The following GPR89B variants were observed in gnomAD, a reference collection of about 807,000 sequenced individuals.
The protein encoded by GPR89B is G protein-coupled receptor 89B.
GPR89B carries 25 observed loss-of-function variants against 52.4 expected under a neutral mutation model. The observed-to-expected ratio is 0.48, with a 90% CI of 0.35 to 0.67. The LOEUF (loss-of-function observed/expected upper bound fraction) is 0.67. GPR89B is among the 30% of genes least tolerant of loss of function. The pLI, the probability that GPR89B is intolerant of heterozygous loss-of-function variation, is 0.01. For missense variants in GPR89B, 146 were observed against 450.2 expected, an observed-to-expected ratio of 0.32 and a Z score of 6.11; for synonymous variants, 52 against 151.2, an observed-to-expected ratio of 0.34 and a Z score of 4.81.
intron 5 of GPR89B, among the ~76,000 whole-genome samples, chr1:147,946,735 G>A (rs587710719): frequency 1.3e-5 from 2 of 152,214 alleles, no homozygotes; most frequent in African/African-American, 4.8e-5. Flanking sequence ...GGAAGATGAA[G>A]GCCATTGTAT....
intron 2 of GPR89B, among the ~76,000 whole-genome samples, chr1:147,937,441 C>T (rs1553248149): frequency 6.6e-6 from 1 of 152,154 alleles, no homozygotes; most frequent in East Asian, 1.9e-4. Flanking sequence ...GACAACCAGT[C>T]TGACTAGAAT....
chr1:148,002,398 G>T, the GPR89B span, among the ~76,000 whole-genome samples: 2 of 152,020 alleles, frequency 1.3e-5, no homozygotes, highest in Non-Finnish European at 2.9e-5. Context: ...CTTACCTACT[G>T]CTTTCCCTTC....
At chr1:148,018,280 G>T in the GPR89B span, among the ~76,000 whole-genome samples, 6 of 144,886 alleles carry the variant, frequency 4.1e-5, 1 homozygote, top group African/African-American at 1.6e-4. Context: ...ATAGCCAGGC[G>T]TGGTGGCGGG....
intron 4 of GPR89B, 59 bp downstream of exon 4, chr1:147,943,603 A>G (rs1279440021): frequency 2.5e-6 from 4 of 1,580,168 alleles, no homozygotes; most frequent in Non-Finnish European, 3.4e-6. Context: ...GAGGGGACTT[A>G]AATTGTGGAT....
rs1553247924 is a variant in GPR89B at position 147,936,585 on chromosome 1, A to G, written c.43-42A>G. On this transcript the variant is annotated intron_variant, in intron 1 of 13. Coordinates refer to ENST00000314163, the MANE Select transcript of GPR89B (RefSeq NM_016334.5). ...AAGAGTTTCTATAAAACATTTCTCAAAAGAAAATATGTATTGACATTCTAT... is the reference window on the plus strand; with the variant it reads ...AAGAGTTTCTATAAAACATTTCTCAGAAGAAAATATGTATTGACATTCTAT... The G allele has an allele frequency of 2.6e-6, 4 of 1,520,312 alleles. No homozygotes were observed. In the African/African-American group the frequency reaches 4.1e-5, roughly 16 times the overall value. The allele number at this position is 1,520,312 out of a possible 1,614,324, so 94.2% of individuals were successfully genotyped here.
chr1:148,004,644 A>G, the GPR89B span, among the ~76,000 whole-genome samples: 40 of 110,790 alleles, frequency 3.6e-4, no homozygotes, highest in Non-Finnish European at 7.0e-4. Context: ...ATCATTCTAC[A>G]AAGAGAAGGT....
At chr1:147,935,752 T>C (rs1425363364) in intron 1 of GPR89B, among the ~76,000 whole-genome samples, 1 of 152,192 alleles carries the variant, frequency 6.6e-6, no homozygotes, top group African/African-American at 2.4e-5. Flanking sequence ...TATTTATTTT[T>C]GAGACAGGGT....
Position 147,984,243 on chromosome 1 carries a change from G to T in GPR89B, c.910-1956G>T, listed in dbSNP as rs1465084388. 8.7e-5 allele frequency among the ~76,000 whole-genome samples: 13 copies of T among 150,132 alleles called. No individual in the cohort carries two copies. In the East Asian group the frequency reaches 2.6e-3, roughly 29 times the overall value. On this transcript the variant is annotated intron_variant, in intron 10 of 13. Transcript: ENST00000314163. The stretch of plus-strand genomic sequence containing the variant: ...CCTAATGCTAAATGATGAGTTAATG[G>T]GTGCAGCACACCAGCATGTCACATG...
At chr1:148,008,572 G>T in the GPR89B span, among the ~76,000 whole-genome samples, 3 of 152,174 alleles carry the variant, frequency 2.0e-5, no homozygotes, top group African/African-American at 7.2e-5. Context: ...ATAGGCAGAG[G>T]CAGTGTTCAA....
intron 12 of GPR89B, among the ~76,000 whole-genome samples, chr1:147,990,165 G>A (rs1337007793): frequency 6.6e-6 from 1 of 152,198 alleles, no homozygotes; most frequent in Non-Finnish European, 1.5e-5. Context: ...TCTAACTGGT[G>A]TGTGATGGTA....
chr1:148,000,082 TC>T, the GPR89B span, among the ~76,000 whole-genome samples: 1 of 152,172 alleles, frequency 6.6e-6, no homozygotes, highest in Admixed American at 6.5e-5. Context: ...AGTCCTCAAA[TC>T]AGGTCTCACC....
At chr1:147,948,968 G>A (rs1490018327) in intron 5 of GPR89B, among the ~76,000 whole-genome samples, 3 of 151,884 alleles carry the variant, frequency 2.0e-5, no homozygotes, top group Non-Finnish European at 4.4e-5. Context: ...GACTCTTAAC[G>A]AGCATGCTGC....
chr1:148,011,284 G>T, the GPR89B span: 1 of 152,306 alleles, frequency 6.6e-6, no homozygotes, highest in Non-Finnish European at 1.5e-5. Flanking sequence ...TATTCTCTGT[G>T]CTGGATCTAA....
chr1:147,988,473 A>T lies in GPR89B; in HGVS notation c.1047A>T (p.Gly349=). The change falls in exon 12 of 14, where the codon GGA becomes GGT. Residue 349 remains glycine (G), a synonymous_variant. Coordinates refer to ENST00000314163, the MANE Select transcript of GPR89B (RefSeq NM_016334.5). ...AACACATTTCCTTCATTCTTGTTGG[A>T]ATAATCATCGTCACATCCATCAGAG... The part of the protein sequence containing the change: ...WSQHISFILV[G]IIIVTSIRGL... The T allele has an allele frequency of 6.7e-7, 1 of 1,492,470 alleles. No individual in the cohort carries two copies. Among genetic ancestry groups the T allele is most frequent in the Non-Finnish European group, 9.3e-7 (1 of 1,072,608 alleles). The allele number at this position is 1,492,470 out of a possible 1,614,324, so 92.5% of individuals were successfully genotyped here. A position where few individuals can be genotyped will look rare whatever the true frequency, so the allele number is the denominator to read the frequency against.
rs375851990 is a variant in GPR89B at position 147,938,751 on chromosome 1, C to T, written c.140C>T (p.Thr47Met). The stretch of plus-strand genomic sequence containing the variant: ...GTTGTACAGGTGATCTTCTCCGTGA[C>T]GTTTGCATTTTCTTGCACCATGTTT... The part of the protein sequence containing the change: ...QYVVQVIFSV[T>M]FAFSCTMFEL... Residue 47 changes from threonine (T) to methionine (M), a missense_variant, in exon 3 of 14, where the codon ACG becomes ATG. Physicochemically the swap from Thr to Met is moderately conservative, Grantham distance 81. Transcript: ENST00000314163. The T allele has an allele frequency of 6.2e-4, 982 of 1,587,826 alleles. 2 individuals carry two copies. Among genetic ancestry groups the T allele is most frequent in the Non-Finnish European group, 7.4e-4 (868 of 1,168,156 alleles).
chr1:147,986,696 A>G (rs1177793797), intron 11 of GPR89B, among the ~76,000 whole-genome samples: 1 of 152,096 alleles, frequency 6.6e-6, no homozygotes, highest in Non-Finnish European at 1.5e-5. Context: ...GCTCCAGTGG[A>G]AAATTAGCTA....
chr1:147,970,496 T>TCTCTCTCTCTCCCTCC (rs1657350600), intron 10 of GPR89B, among the ~76,000 whole-genome samples: 1 of 118,664 alleles, frequency 8.4e-6, no homozygotes, highest in African/African-American at 4.8e-5. Flanking sequence ...ACTCCATCTC[T>TCTCTCTCTCTCCCTCC]CTCTCTCTCT....
At chr1:147,986,051 A>G in intron 10 of GPR89B, 148 bp from the exon 11 acceptor site, 7 of 1,521,736 alleles carry the variant, frequency 4.6e-6, no homozygotes, top group Non-Finnish European at 6.2e-6. Context: ...GATTTCCTAT[A>G]TATGATTTGG....
chr1:147,975,468 A>G (rs1167653569), intron 10 of GPR89B, among the ~76,000 whole-genome samples: 1 of 150,994 alleles, frequency 6.6e-6, no homozygotes, highest in East Asian at 1.9e-4. Context: ...TGTTTATAGT[A>G]TTCTCTGATG....
Sources: gnomAD v4.1 joint callset for allele counts (sites outside exome capture counted in the v4.1 genomes callset) on GRCh38, gnomAD v4.1.1 for gene constraint, MANE v1.5 for transcripts, NCBI Gene and HGNC (gene_info 2026-07-23, HGNC 2026-07-21) for gene names.